NCOR2: variants seen among roughly 807,000 people sequenced by gnomAD.
The protein encoded by NCOR2 is CTG repeat protein 26.
Under a neutral mutation model 262.9 loss-of-function variants are expected in NCOR2, and 81 were observed. That is an observed-to-expected ratio of 0.31 (90% confidence interval 0.26 to 0.37). NCOR2 has a LOEUF of 0.37. Among genes scored for constraint, NCOR2 ranks in the 10% least tolerant of loss-of-function variants. The pLI is 1.00. For missense variants in NCOR2, 3,385 were observed against 3,621.4 expected, an observed-to-expected ratio of 0.93 and a Z score of 1.68; for synonymous variants, 1,659 against 1,559.3, an observed-to-expected ratio of 1.06 and a Z score of -1.51.
intron 1 of NCOR2, among the ~76,000 whole-genome samples, chr12:124,544,769 C>G (rs949111508): frequency 5.9e-5 from 9 of 152,196 alleles, no homozygotes; most frequent in African/African-American, 1.9e-4. Context: ...GGCTGACATA[C>G]AGAGTCCCCG....
In NCOR2 at chr12:124,471,778, G is replaced by A. The variant is rs547343401; in HGVS notation, c.591+1174C>T. On this transcript the variant is annotated intron_variant, in intron 4 of 46. Coordinates refer to ENST00000405201, the Ensembl canonical transcript of NCOR2. The stretch of plus-strand genomic sequence containing the variant: ...GACAGGGTCTCGCTATGTTGCCCAC[G>A]CTGGTCTCAAACTCCCGGGCTCAAG... 5.9e-5 allele frequency among the ~76,000 whole-genome samples: 9 copies of A among 152,314 alleles called. 1 individual carries two copies. In the Middle Eastern group the frequency reaches 0.01, roughly 173 times the overall value.
At chr12:124,527,939 G>A (rs951482122) in intron 1 of NCOR2, among the ~76,000 whole-genome samples, 3 of 152,334 alleles carry the variant, frequency 2.0e-5, no homozygotes, top group Non-Finnish European at 2.9e-5. Flanking sequence ...CCTCCAGGGC[G>A]TGCTGCGTGT....
In NCOR2 at chr12:124,335,649, G is replaced by C; in HGVS notation, c.6116-17C>G. ...CGTGGTAACCTAGGGCAGGCGGGGG[G>C]TGCAGAGTCAGGCACCGGGCCCAGG... is the stretch of plus-strand genomic sequence containing the variant. On this transcript the variant is annotated splice_polypyrimidine_tract_variant and intron_variant, in intron 38 of 46. Transcript: ENST00000405201. 2 of 1,586,852 alleles carry C rather than the reference G, an allele frequency of 1.3e-6. No individual in the cohort carries two copies. The highest frequency in any genetic ancestry group is 2.7e-5 in the African/African-American group (2 of 74,716).
chr12:124,400,783 C>T, intron 14 of NCOR2, 110 bp from the exon 17 acceptor site: 1 of 1,384,934 alleles, frequency 7.2e-7, no homozygotes, highest in Non-Finnish European at 9.9e-7. Flanking sequence ...CCAGCCATGG[C>T]ACTAATCGGA....
rs1555237265 is a variant in NCOR2, at chr12:124,523,645, A to AAC, written c.-118+11919_-118+11920insGT. ...ACCATAGCTGATGAACTAAAAAAAAAAAAAACAAAAAACCGAAAAACAATC... is the reference window on the plus strand; with the variant it reads ...ACCATAGCTGATGAACTAAAAAAAAAACAAAAACAAAAAACCGAAAAACAATC... On this transcript the variant is annotated intron_variant, in intron 1 of 46. Coordinates refer to the NCOR2 transcript ENST00000404621. The surrounding 1 kb of genome is among the most constrained non-coding windows in gnomAD (Gnocchi z 4.0). Among the ~76,000 whole-genome samples the AAC allele has an allele frequency of 5.6e-5, 8 of 142,806 alleles. No homozygotes were observed. In the South Asian group the frequency reaches 6.2e-4, roughly 11 times the overall value. The allele number at this position is 142,806 out of a possible 152,430, so 93.7% of individuals were successfully genotyped here.
chr12:124,383,634 G>A (rs1017087365), intron 17 of NCOR2: 12 of 204,196 alleles, frequency 5.9e-5, no homozygotes, highest in African/African-American at 2.3e-4. Flanking sequence ...ACTAGGGCAC[G>A]TCGCCCTCCC....
rs764814887 is a variant in NCOR2, at chr12:124,566,618, T to C, written c.-165+690A>G. ...TCTGAATTCCAACTTCGCAAAGTAG[T>C]GGCATCCCAAGTATCCGCACAGCCC... On this transcript the variant is annotated intron_variant, in intron 1 of 32. Coordinates refer to the NCOR2 transcript ENST00000458234. This position sits in a 1 kb window ranked among gnomAD's most constrained non-coding sequence, Gnocchi z 4.3. 1.3e-5 allele frequency among the ~76,000 whole-genome samples: 2 copies of C among 152,148 alleles called. No homozygotes were observed. Among genetic ancestry groups the C allele is most frequent in the Non-Finnish European group, 2.9e-5 (2 of 68,022 alleles).
Position 124,501,757 on chromosome 12 carries a change from G to C in NCOR2, c.-117-6389C>G, listed in dbSNP as rs117391374. 4.7e-3 allele frequency among the ~76,000 whole-genome samples: 710 copies of C among 152,308 alleles called. 2 individuals are homozygous for C. Among genetic ancestry groups the C allele is most frequent in the Non-Finnish European group, 7.0e-3 (477 of 68,040 alleles). On this transcript the variant is annotated intron_variant, in intron 1 of 46. Transcript: ENST00000404621. Reference sequence around the variant, plus strand: ...CTTTCCAAACAAGGCCGCACTCCCAGGTTCCACGCAGACGTACCTTAAGGG... The same window carrying C: ...CTTTCCAAACAAGGCCGCACTCCCACGTTCCACGCAGACGTACCTTAAGGG...
At chr12:124,516,793 G>GC (rs59858345) in intron 1 of NCOR2, among the ~76,000 whole-genome samples, 11,752 of 152,038 alleles carry the variant, frequency 0.077, 468 homozygotes, top group African/African-American at 0.092. Flanking sequence ...AATCCCAGGG[G>GC]CCCCCCACCC....
chr12:124,551,688 G>A (rs2051718534), intron 1 of NCOR2, among the ~76,000 whole-genome samples: 1 of 152,196 alleles, frequency 6.6e-6, no homozygotes, highest in Admixed American at 6.5e-5. Flanking sequence ...GTCTCTTCCA[G>A]CAGCCCAGGA....
At position 124,333,664 on chromosome 12, in the gene NCOR2, C is replaced by T. The variant is rs572250215; in HGVS notation, c.6606-385G>A. ...TCTGTCCTCGCACACACATTACCCC[C>T]CCCGCCCCCACCAAAACGCCTCCTT... On this transcript the variant is annotated intron_variant, in intron 41 of 46. Transcript: ENST00000405201. 2.5e-3 allele frequency among the ~76,000 whole-genome samples: 377 copies of T among 151,500 alleles called. 1 individual carries two copies. The highest frequency in any genetic ancestry group is 8.3e-3 in the African/African-American group (343 of 41,442).
At chr12:124,339,423 C>A in intron 37 of NCOR2, among the ~76,000 whole-genome samples, 1 of 147,108 alleles carries the variant, frequency 6.8e-6, no homozygotes, top group African/African-American at 2.5e-5. Context: ...ACCCACACAG[C>A]TAACTTGGCC....
chr12:124,495,088 G>A lies in NCOR2; in HGVS notation c.105+59C>T. On this transcript the variant is annotated intron_variant, in intron 1 of 46. Coordinates refer to ENST00000405201, the Ensembl canonical transcript of NCOR2. This position sits in a 1 kb window ranked among gnomAD's most constrained non-coding sequence, Gnocchi z 4.4. ...GGAGAAAGGAAGGGGTGAAGACTCA[G>A]TGGAATGGAAGAAGGGTCTCAAAGG... is the stretch of plus-strand genomic sequence containing the variant. 6.3e-7 allele frequency: 1 copy of A among 1,585,390 alleles called. No individual in the cohort carries two copies. Among genetic ancestry groups the A allele is most frequent in the Non-Finnish European group, 8.6e-7 (1 of 1,163,576 alleles).
At chr12:124,364,299 C>T (rs1466806511) in intron 20 of NCOR2, among the ~76,000 whole-genome samples, 1 of 152,220 alleles carries the variant, frequency 6.6e-6, no homozygotes, top group Admixed American at 6.5e-5. Flanking sequence ...CCTCATCACT[C>T]GAATCTGAGA....
chr12:124,371,719 CG>C (rs2039538800), intron 20 of NCOR2, among the ~76,000 whole-genome samples: 1 of 152,154 alleles, frequency 6.6e-6, no homozygotes, highest in African/African-American at 2.4e-5. Flanking sequence ...CTTGTGAGGG[CG>C]GCCCTAGGAA....
chr12:124,363,925 C>G, intron 20 of NCOR2, 126 bp from the exon 23 acceptor site: 1 of 753,268 alleles, frequency 1.3e-6, no homozygotes, highest in South Asian at 5.5e-5. Context: ...CCCTGAGACA[C>G]GAGGCGACTG....
chr12:124,388,644 A>AC, intron 16 of NCOR2: 1 of 1,302,818 alleles, frequency 7.7e-7, no homozygotes. Context: ...CTGTCCCTGC[A>AC]CCCGCAGTCC....
At chr12:124,541,696 T>G (rs936386769) in intron 1 of NCOR2, among the ~76,000 whole-genome samples, 3 of 5,688 alleles carry the variant, frequency 5.3e-4, no homozygotes, top group Non-Finnish European at 9.1e-4. Flanking sequence ...ATGGAGGGGG[T>G]GGGGAGTGGA....
intron 29 of NCOR2, 102 bp from the exon 32 acceptor site, chr12:124,348,013 T>C: frequency 4.1e-6 from 6 of 1,459,524 alleles, no homozygotes; most frequent in East Asian, 2.5e-5. Context: ...ATCCCCACGA[T>C]GATGGTGGAG....
Sources: gnomAD v4.1 joint callset for allele counts (sites outside exome capture counted in the v4.1 genomes callset) on GRCh38, gnomAD v4.1.1 for gene constraint, Gnocchi (gnomAD v3.1) non-coding constraint, MANE v1.5 for transcripts, NCBI Gene and HGNC (gene_info 2026-07-23, HGNC 2026-07-21) for gene names.